SLC4A2: variants seen among roughly 807,000 people sequenced by gnomAD.
SLC4A2 encodes solute carrier family 4 member 2, also known as anion exchange protein 2.
In SLC4A2, 36 loss-of-function variants were observed where a neutral mutation model predicts 115.0. The observed-to-expected ratio is 0.31, with a 90% confidence interval of 0.24 to 0.41. The LOEUF is 0.41. Among genes scored for constraint, SLC4A2 ranks in the 10% least tolerant of loss-of-function variants. The pLI is 1.00. For missense variants in SLC4A2, 1,252 were observed against 1,705.6 expected, an observed-to-expected ratio of 0.73 and a Z score of 4.68; for synonymous variants, 708 against 708.3, an observed-to-expected ratio of 1.00 and a Z score of 0.01.
At chr7:151,073,384 GA>G in intron 16 of SLC4A2, among the ~76,000 whole-genome samples, 1 of 151,994 alleles carries the variant, frequency 6.6e-6, no homozygotes, top group East Asian at 1.9e-4. Flanking sequence ...AGGTTCAAGC[GA>G]TTCTCCTGCC....
intron 2 of SLC4A2, chr7:151,062,450 C>T (rs1160306107): frequency 8.7e-6 from 10 of 1,149,390 alleles, no homozygotes; most frequent in South Asian, 1.9e-5. Flanking sequence ...CACCCAGGCC[C>T]GCCCCTCCCT....
In SLC4A2 at chr7:151,064,309, G is replaced by T. The variant is rs759307259; in HGVS notation, c.159G>T (p.Glu53Asp). The T allele has an allele frequency of 6.2e-7, 1 of 1,612,020 alleles. No individual in the cohort carries two copies. The highest frequency in any genetic ancestry group is 1.3e-5 in the African/African-American group (1 of 74,720). The change falls in exon 3 of 23, where the codon GAG (glutamate) becomes GAT (aspartate). Residue 53 changes from glutamate to aspartate, a missense_variant. Glu to Asp is a conservative substitution (Grantham distance 45, BLOSUM62 2). Transcript: ENST00000413384. ...GVERFEEILQ[E>D]AGSRGGEEPG... is the part of the protein sequence containing the mutation. ...AGCGGTTTGAGGAGATCCTACAGGAGGCCGGGTCTCGTGGAGGGGAGGAGC... is the reference window on the plus strand; with the variant it reads ...AGCGGTTTGAGGAGATCCTACAGGATGCCGGGTCTCGTGGAGGGGAGGAGC...
chr7:151,075,622 C>T lies in SLC4A2; in HGVS notation c.3318C>T (p.Ile1106=), dbSNP rs771956638. 1.1e-5 allele frequency: 17 copies of T among 1,594,430 alleles called. No homozygotes were observed. The highest frequency in any genetic ancestry group is 6.7e-5 in the African/African-American group (5 of 74,268). The change falls in exon 21 of 23, where the codon ATC becomes ATT. Residue 1106 remains isoleucine (I), a synonymous_variant. Coordinates refer to ENST00000413384, the MANE Select transcript of SLC4A2 (RefSeq NM_003040.4). ...CTCCCGTAGGCCTCTCCATAGTTAT[C>T]GGGGATCTGCTCCGGCAGATCCCCC... ...VALLVGLSIV[I]GDLLRQIPLA...
chr7:151,074,440 C>A lies in SLC4A2; in HGVS notation c.2832C>A (p.Ile944=). 6.2e-7 allele frequency: 1 copy of A among 1,614,080 alleles called. No homozygotes were observed. ...GGGACTTTGGGGTGCCCATCGCCAT[C>A]CTCATCATGGTGCTTGTGGATTACA... is the stretch of plus-strand genomic sequence containing the variant. The part of the protein sequence containing the change: ...VIGDFGVPIA[I]LIMVLVDYSI... The change falls in exon 18 of 23, where the codon ATC becomes ATA. Residue 944 remains isoleucine (I), a synonymous_variant. Coordinates refer to ENST00000413384, the MANE Select transcript of SLC4A2 (RefSeq NM_003040.4).
intron 2 of SLC4A2, chr7:151,062,968 C>T: frequency 7.1e-7 from 1 of 1,411,398 alleles, no homozygotes; most frequent in Non-Finnish European, 9.2e-7. Flanking sequence ...ATGGAGGGGG[C>T]TGCATACCCC....
chr7:151,065,043 C>T, intron 5 of SLC4A2, 77 bp downstream of exon 5: 2 of 1,050,378 alleles, frequency 1.9e-6, no homozygotes, highest in Non-Finnish European at 2.9e-6. Flanking sequence ...TGGAACAAAG[C>T]ATGAGCCTTG....
chr7:151,073,963 C>G (rs1797528574), intron 16 of SLC4A2, 76 bp from the exon 17 acceptor site: 3 of 1,466,502 alleles, frequency 2.0e-6, no homozygotes, highest in Non-Finnish European at 2.8e-6. Flanking sequence ...CCACCCCTTC[C>G]ACCCGACACT....
In SLC4A2 at chr7:151,070,659, C is replaced by A; in HGVS notation, c.1565-68C>A. ...TCTCCCTGGCCCTGCCTTGGTGCCACCCTGGGCGAGGGACTGGAAGGCGGT... is the reference window on the plus strand; with the variant it reads ...TCTCCCTGGCCCTGCCTTGGTGCCAACCTGGGCGAGGGACTGGAAGGCGGT... On this transcript the variant is annotated intron_variant, in intron 11 of 22. Transcript: ENST00000413384. The A allele has an allele frequency of 2.5e-6, 4 of 1,603,024 alleles. No homozygotes were observed. The South Asian group carries it at 3.3e-5, about 13-fold the overall frequency.
chr7:151,061,812 G>T, intron 1 of SLC4A2, 113 bp from the exon 2 acceptor site: 1 of 606,482 alleles, frequency 1.6e-6, no homozygotes, highest in Non-Finnish European at 3.0e-6. Context: ...TGCCGCTAAG[G>T]GCCACTCTGA....
In SLC4A2 at chr7:151,072,172, G is replaced by T. The variant is rs757159292; in HGVS notation, c.2535+36G>T. 47 of 1,587,084 alleles carry T rather than the reference G, an allele frequency of 3.0e-5. No homozygotes were observed. In the South Asian group the frequency reaches 5.0e-4, roughly 17 times the overall value. Reference sequence around the variant, plus strand: ...CCCTGCCGAGAGCTGGGCCAGGAGGGCCGAGGTCTCAGGGCTGGAGGGAGT... The same window carrying T: ...CCCTGCCGAGAGCTGGGCCAGGAGGTCCGAGGTCTCAGGGCTGGAGGGAGT... On this transcript the variant is annotated intron_variant, in intron 16 of 22. Transcript: ENST00000413384.
At position 151,064,587 on chromosome 7, in the gene SLC4A2, A is replaced by T; in HGVS notation, c.279A>T (p.Ala93=). 6.2e-7 allele frequency: 1 copy of T among 1,612,768 alleles called. No homozygotes were observed. Among genetic ancestry groups the T allele is most frequent in the Non-Finnish European group, 8.5e-7 (1 of 1,179,940 alleles). ...TGTCCACCCACCTGCCTCCGGATGC[A>T]CGCCGCCGCAAGACACCCCAGGGCC... ...HPLSTHLPPD[A]RRRKTPQGPG... The change falls in exon 4 of 23, where the codon GCA becomes GCT. Residue 93 remains alanine, a synonymous_variant. Transcript: ENST00000413384.
intron 5 of SLC4A2, 48 bp from the exon 6 acceptor site, chr7:151,066,469 G>A (rs35532393): frequency 0.048 from 69,690 of 1,457,224 alleles, 1,760 homozygotes; most frequent in Middle Eastern, 0.069. Context: ...GCTGGGCGTG[G>A]GGGAGGAGGC....
chr7:151,063,143 C>A, intron 2 of SLC4A2: 1 of 1,492,950 alleles, frequency 6.7e-7, no homozygotes, highest in Non-Finnish European at 8.9e-7. Context: ...GCATTCCCTG[C>A]CGGCTGTGCC....
In SLC4A2 at chr7:151,070,373, G is replaced by A. The variant is rs373178579; in HGVS notation, c.1449+27G>A. The stretch of plus-strand genomic sequence containing the variant: ...TGAGGGGAGAACCAGCCCTGCCTGG[G>A]CTGGCGGCAGGGCTGAGGAAGCCTG... On this transcript the variant is annotated intron_variant, in intron 10 of 22. Transcript: ENST00000413384. 4 of 1,609,364 alleles carry A rather than the reference G, an allele frequency of 2.5e-6. 1 individual carries two copies. Among genetic ancestry groups the A allele is most frequent in the Non-Finnish European group, 3.4e-6 (4 of 1,177,154 alleles).
Position 151,066,997 on chromosome 7 carries a change from C to T in SLC4A2, c.966+4C>T. ...GGCCCCCCACAAGCCCCATGAGGTACCATGCTCTGCTTCATGCTCTTCCAT... is the reference window on the plus strand; with the variant it reads ...GGCCCCCCACAAGCCCCATGAGGTATCATGCTCTGCTTCATGCTCTTCCAT... On this transcript the variant is annotated splice_donor_region_variant and intron_variant, in intron 7 of 22. Transcript: ENST00000413384. 6.3e-7 allele frequency: 1 copy of T among 1,586,954 alleles called. No homozygotes were observed. Among genetic ancestry groups the T allele is most frequent in the Non-Finnish European group, 8.6e-7 (1 of 1,168,882 alleles).
At chr7:151,068,490 G>A (rs774832609) in intron 8 of SLC4A2, among the ~76,000 whole-genome samples, 3 of 152,086 alleles carry the variant, frequency 2.0e-5, no homozygotes, top group Non-Finnish European at 4.4e-5. Context: ...AAGCAGCTGA[G>A]GTTCTGTGGT....
intron 19 of SLC4A2, 178 bp from the exon 20 acceptor site, chr7:151,075,077 C>T (rs745919812): frequency 3.4e-5 from 34 of 1,004,156 alleles, no homozygotes; most frequent in Non-Finnish European, 5.0e-5. Context: ...CTGTCATGGA[C>T]GATAAGGGCT....
intron 5 of SLC4A2, 79 bp from the exon 6 acceptor site, chr7:151,066,438 C>G (rs918779679): frequency 2.8e-6 from 4 of 1,430,552 alleles, no homozygotes; most frequent in Non-Finnish European, 3.7e-6. Context: ...GGTCCCCTCC[C>G]TGGCTACCGC....
chr7:151,062,413 G>A, intron 2 of SLC4A2: 2 of 804,720 alleles, frequency 2.5e-6, no homozygotes, highest in South Asian at 4.6e-5. Flanking sequence ...CGCCTGCCAC[G>A]ACTGGCCACG....
Sources: gnomAD v4.1 joint callset for allele counts (sites outside exome capture counted in the v4.1 genomes callset) on GRCh38, gnomAD v4.1.1 for gene constraint, MANE v1.5 for transcripts, NCBI Gene and HGNC (gene_info 2026-07-23, HGNC 2026-07-21) for gene names.